The following LRRC75A variants were observed in gnomAD, a reference collection of about 807,000 sequenced individuals.
LRRC75A encodes leucine rich repeat containing 75A, also known as leucine-rich repeat-containing protein 75A.
In LRRC75A, 12 loss-of-function variants were observed where a neutral mutation model predicts 26.0. The observed-to-expected ratio is 0.46, with a 90% CI of 0.30 to 0.75. The LOEUF (loss-of-function observed/expected upper bound fraction) is 0.75. LRRC75A is among the 30% of genes least tolerant of loss of function. The pLI is 0.08. For missense variants in LRRC75A, 410 were observed against 486.6 expected, an observed-to-expected ratio of 0.84 and a Z score of 1.48; for synonymous variants, 223 against 219.3, an observed-to-expected ratio of 1.02 and a Z score of -0.15.
chr17:16,472,129 C>T (rs1179397766), intron 1 of LRRC75A, among the ~76,000 whole-genome samples: 1 of 151,924 alleles, frequency 6.6e-6, no homozygotes, highest in African/African-American at 2.4e-5. Context: ...AGGATACAAG[C>T]AGAGGAGAGA....
intron 1 of LRRC75A, among the ~76,000 whole-genome samples, chr17:16,476,503 C>T (rs998211199): frequency 3.3e-5 from 5 of 151,992 alleles, no homozygotes; most frequent in Non-Finnish European, 5.9e-5. Context: ...TGAGCCACTG[C>T]ACCTGGCTTT....
chr17:16,474,412 G>C (rs11869383), intron 1 of LRRC75A, among the ~76,000 whole-genome samples: 2,175 of 152,284 alleles, frequency 0.014, 45 homozygotes, highest in African/African-American at 0.049. Context: ...CCGAAAGGGT[G>C]GTGGCATTTG....
rs2093535267 is a variant in LRRC75A at position 16,442,223 on chromosome 17, TC to T, written c.*1364del. ...CGGCCCCTGCTGCTCTGTGCTCTGT[TC>T]CTTGGTGTAGCTTTGTTCCAGCTCC... On this transcript the variant is annotated 3_prime_UTR_variant, in exon 4 of 4. Transcript: ENST00000470794. 1.3e-5 allele frequency: 2 copies of T among 152,364 alleles called. No homozygotes were observed. The highest frequency in any genetic ancestry group is 2.1e-4 in the South Asian group (1 of 4,834). 9.4% of individuals were successfully genotyped at this position (152,364 alleles called of 1,614,324 possible).
intron 2 of LRRC75A, among the ~76,000 whole-genome samples, chr17:16,458,724 C>G (rs1348782367): frequency 1.3e-5 from 2 of 152,060 alleles, no homozygotes; most frequent in Non-Finnish European, 2.9e-5. Context: ...CTCGGCCTCC[C>G]AAAGTGCTCG....
At chr17:16,483,806 G>A (rs1463002897) in intron 1 of LRRC75A, among the ~76,000 whole-genome samples, 1 of 152,220 alleles carries the variant, frequency 6.6e-6, no homozygotes, top group Non-Finnish European at 1.5e-5. Flanking sequence ...CCTCCCGGAG[G>A]AAGGGAAACA....
In LRRC75A at chr17:16,443,890, C is replaced by G. The variant is rs1363862707; in HGVS notation, c.733G>C (p.Ala245Pro). 2 of 1,613,394 alleles carry G rather than the reference C, an allele frequency of 1.2e-6. No individual in the cohort carries two copies. Among genetic ancestry groups the G allele is most frequent in the Admixed American group, 3.3e-5 (2 of 60,016 alleles). ...LALNGNRLTR[A>P]VLRDLTDILK... is the part of the protein sequence containing the mutation. Reference sequence around the variant, plus strand: ...ATGTCAGTGAGGTCGCGCAGCACGGCCCGGGTCAACCGGTTGCCATTGAGT... The same window carrying G: ...ATGTCAGTGAGGTCGCGCAGCACGGGCCGGGTCAACCGGTTGCCATTGAGT... The change falls in exon 4 of 4, where the codon GCC becomes CCC. Residue 245 changes from alanine (A) to proline (P), a missense_variant. Ala to Pro is a conservative substitution (Grantham distance 27). Coordinates refer to ENST00000470794, the MANE Select transcript of LRRC75A (RefSeq NM_001113567.3).
In LRRC75A at chr17:16,443,429, C is replaced by T. The variant is rs1248172866; in HGVS notation, c.*159G>A. The T allele has an allele frequency of 3.3e-6, 2 of 612,928 alleles. No individual in the cohort carries two copies. The highest frequency in any genetic ancestry group is 2.8e-5 in the East Asian group (1 of 35,336). The allele number at this position is 612,928 out of a possible 1,614,324, so 38.0% of individuals were successfully genotyped here. On this transcript the variant is annotated 3_prime_UTR_variant, in exon 4 of 4. Coordinates refer to ENST00000470794, the MANE Select transcript of LRRC75A (RefSeq NM_001113567.3). The stretch of plus-strand genomic sequence containing the variant: ...CCAACGGGAAGTTTTAACACAAATC[C>T]CCTTCCCCAGATGATATGGTTTGCC...
chr17:16,481,458 A>G (rs929635508), intron 1 of LRRC75A, among the ~76,000 whole-genome samples: 2 of 152,224 alleles, frequency 1.3e-5, no homozygotes, highest in Non-Finnish European at 2.9e-5. Flanking sequence ...ACGGGAAGAC[A>G]TTAAGAGCCT....
At chr17:16,449,176 C>T (rs1451623726) in intron 2 of LRRC75A, among the ~76,000 whole-genome samples, 1 of 152,196 alleles carries the variant, frequency 6.6e-6, no homozygotes, top group African/African-American at 2.4e-5. Context: ...GGAGGTCCGG[C>T]ACGTTAACCA....
intron 2 of LRRC75A, among the ~76,000 whole-genome samples, chr17:16,454,932 CTTTTT>C (rs775819720): frequency 5.6e-5 from 6 of 108,008 alleles, no homozygotes; most frequent in Non-Finnish European, 1.0e-4. Flanking sequence ...CTTTTCTTTT[CTTTTT>C]TTTTTTTAGT....
At chr17:16,475,875 C>T (rs948549832) in intron 1 of LRRC75A, among the ~76,000 whole-genome samples, 1 of 151,914 alleles carries the variant, frequency 6.6e-6, no homozygotes, top group African/African-American at 2.4e-5. Flanking sequence ...GGTGAAACTC[C>T]CTCTCTACTA....
At chr17:16,453,652 C>T (rs1372762367) in intron 2 of LRRC75A, among the ~76,000 whole-genome samples, 7 of 152,128 alleles carry the variant, frequency 4.6e-5, no homozygotes, top group Non-Finnish European at 8.8e-5. Flanking sequence ...TTGGGCATCT[C>T]CTCTGAGCAC....
intron 2 of LRRC75A, among the ~76,000 whole-genome samples, chr17:16,459,236 A>G (rs1349559907): frequency 6.6e-6 from 1 of 152,248 alleles, no homozygotes; most frequent in Non-Finnish European, 1.5e-5. Context: ...TTAGCCAACA[A>G]ATAAATAAGC....
intron 1 of LRRC75A, among the ~76,000 whole-genome samples, chr17:16,465,907 G>C (rs2093764908): frequency 6.6e-6 from 1 of 152,214 alleles, no homozygotes; most frequent in Non-Finnish European, 1.5e-5. Context: ...AGGCAGCTCA[G>C]GGTCACTGTG....
At chr17:16,471,637 G>C (rs1391455922) in intron 1 of LRRC75A, among the ~76,000 whole-genome samples, 1 of 152,186 alleles carries the variant, frequency 6.6e-6, no homozygotes, top group Non-Finnish European at 1.5e-5. Context: ...CTGCTCCCAG[G>C]GGCAGGGCTG....
intron 1 of LRRC75A, among the ~76,000 whole-genome samples, chr17:16,475,940 C>A (rs1471121233): frequency 6.6e-6 from 1 of 152,068 alleles, no homozygotes; most frequent in Non-Finnish European, 1.5e-5. Flanking sequence ...TGCCTGTAAT[C>A]CCAGCACTTT....
chr17:16,481,429 T>C (rs1330410325), intron 1 of LRRC75A, among the ~76,000 whole-genome samples: 1 of 152,160 alleles, frequency 6.6e-6, no homozygotes, highest in Admixed American at 6.5e-5. Context: ...AGAACCCTAA[T>C]ACAGGAAGTA....
chr17:16,470,026 G>C (rs1238380669), intron 1 of LRRC75A, among the ~76,000 whole-genome samples: 1 of 152,152 alleles, frequency 6.6e-6, no homozygotes, highest in East Asian at 1.9e-4. Flanking sequence ...AGGCTGCATT[G>C]TGTCTTTCTT....
Position 16,442,398 on chromosome 17 carries a change from A to G in LRRC75A, c.*1190T>C, listed in dbSNP as rs1349600529. 6.6e-6 allele frequency: 1 copy of G among 152,316 alleles called. No individual in the cohort carries two copies. The highest frequency in any genetic ancestry group is 6.5e-5 in the Admixed American group (1 of 15,284). The allele number at this position is 152,316 out of a possible 1,614,324, so 9.4% of individuals were successfully genotyped here. On this transcript the variant is annotated 3_prime_UTR_variant, in exon 4 of 4. Transcript: ENST00000470794. ...CCCATACTGTTTGCCCACAAGGTTC[A>G]AGAGTGATTGGCTCCCAGTCTTCCT...
Sources: allele counts gnomAD v4.1 joint callset (sites outside exome capture counted in the v4.1 genomes callset), GRCh38; gene constraint gnomAD v4.1.1; transcripts MANE v1.5; gene names NCBI Gene and HGNC (gene_info 2026-07-23, HGNC 2026-07-21).